HDAC5: variants seen among roughly 807,000 people sequenced by gnomAD.
HDAC5 encodes the protein antigen NY-CO-9.
Under a neutral mutation model 133.3 loss-of-function variants are expected in HDAC5, and 25 were observed. That is an observed-to-expected ratio of 0.19 (90% CI 0.14 to 0.26). The LOEUF is 0.26. Among genes scored for constraint, HDAC5 ranks in the 10% least tolerant of loss-of-function variants. The pLI is 1.00. For missense variants in HDAC5, 1,041 were observed against 1,460.5 expected (o/e 0.71, Z 4.68); for synonymous variants, 589 against 610.8 (o/e 0.96, Z 0.53).
At chr17:44,094,691 T>C (rs2051149547) in intron 3 of HDAC5, among the ~76,000 whole-genome samples, 1 of 152,216 alleles carries the variant, frequency 6.6e-6, no homozygotes, top group African/African-American at 2.4e-5. Context: ...AGATTGTGAC[T>C]ACTCGACGCA....
rs2050661882 is a variant in HDAC5 at position 44,086,613 on chromosome 17, T to C, written c.2009A>G (p.Lys670Arg). The C allele has an allele frequency of 2.3e-6, 3 of 1,303,798 alleles. No individual in the cohort carries two copies. In the South Asian group the frequency reaches 1.0e-4, roughly 44 times the overall value. The allele number at this position is 1,303,798 out of a possible 1,614,324, so 80.8% of individuals were successfully genotyped here. ...QSSPAAPGGM[K>R]SPPDQPVKHL... The stretch of plus-strand genomic sequence containing the variant: ...CTTGACGGGCTGGTCTGGGGGGCTC[T>C]TCATGCCCCCAGGGGCAGCAGGGGA... The change falls in exon 14 of 27, where the codon AAG becomes AGG. Residue 670 changes from lysine (K) to arginine (R), a missense_variant. Physicochemically the swap from Lys to Arg is conservative, Grantham distance 26 (BLOSUM62 2). Around this residue, in one of 9 missense-constraint regions of HDAC5, gnomAD observed 433 missense variants for 531.6 expected, o/e 0.81. Coordinates refer to ENST00000682912, the MANE Select transcript of HDAC5 (RefSeq NM_005474.5).
intron 3 of HDAC5, among the ~76,000 whole-genome samples, chr17:44,099,909 G>T (rs1271876812): frequency 6.6e-6 from 1 of 152,152 alleles, no homozygotes; most frequent in South Asian, 2.1e-4. Flanking sequence ...TTCCCATCCC[G>T]CTGGGTCTGC....
chr17:44,120,778 C>T (rs1320638262), intron 1 of HDAC5, among the ~76,000 whole-genome samples: 2 of 151,864 alleles, frequency 1.3e-5, no homozygotes, highest in African/African-American at 4.8e-5. Flanking sequence ...AGACATCCCA[C>T]CCAAAGGTCA....
intron 2 of HDAC5, chr17:44,111,349 G>C: frequency 6.0e-6 from 2 of 331,280 alleles, no homozygotes; most frequent in South Asian, 4.8e-5. Context: ...CCCCATGGGG[G>C]GGGAGGCGGT....
chr17:44,083,844 G>A lies in HDAC5; in HGVS notation c.2316C>T (p.Ser772=), dbSNP rs2050513534. 8 of 1,613,820 alleles carry A rather than the reference G, an allele frequency of 5.0e-6. No individual in the cohort carries two copies. In the East Asian group the frequency reaches 6.7e-5, roughly 13 times the overall value. ...AAGGCAGCACAGCATACATCTTCTG[G>A]CTGATGGGGCCTGCATGGAAGAGGA... is the stretch of plus-strand genomic sequence containing the variant. ...LDSKKLLGPI[S]QKMYAVLPCG... is the part of the protein sequence containing the mutation. The change falls in exon 17 of 27, where the codon AGC becomes AGT. Residue 772 remains serine, a synonymous_variant. Transcript: ENST00000682912.
At chr17:44,101,625 AG>A (rs1284611306) in intron 3 of HDAC5, among the ~76,000 whole-genome samples, 2 of 152,118 alleles carry the variant, frequency 1.3e-5, no homozygotes, top group African/African-American at 4.8e-5. Flanking sequence ...GGGACCTTGG[AG>A]GTCATCTGTT....
chr17:44,105,025 A>G (rs2051845980), intron 3 of HDAC5, among the ~76,000 whole-genome samples: 1 of 152,244 alleles, frequency 6.6e-6, no homozygotes, highest in Non-Finnish European at 1.5e-5. Flanking sequence ...GACTTGTCCA[A>G]GGTCACCTGG....
In HDAC5 at chr17:44,117,664, A is replaced by G; in HGVS notation, c.-149T>C. On this transcript the variant is annotated 5_prime_UTR_variant, in exon 2 of 27. It removes an upstream start codon present in the reference 5' UTR. Transcript: ENST00000682912. The surrounding 1 kb of genome is among the most constrained non-coding windows in gnomAD (Gnocchi z 4.2). ...GTGCCTCTAATGCCCATCCGAGGCC[A>G]TCCTTCGGGGCGAGGCAGTCAGGCA... 2 of 827,064 alleles carry G rather than the reference A, an allele frequency of 2.4e-6. No individual in the cohort carries two copies. The highest frequency in any genetic ancestry group is 5.1e-5 in the East Asian group (2 of 39,396). The allele number at this position is 827,064 out of a possible 1,614,324, so 51.2% of individuals were successfully genotyped here.
intron 11 of HDAC5, among the ~76,000 whole-genome samples, chr17:44,089,881 A>G (rs980313935): frequency 6.8e-6 from 1 of 147,724 alleles, no homozygotes; most frequent in African/African-American, 2.5e-5. Flanking sequence ...CAGTGAGCAG[A>G]GATCCTGCTT....
chr17:44,114,836 G>A (rs1043805385), intron 2 of HDAC5, among the ~76,000 whole-genome samples: 8 of 152,298 alleles, frequency 5.3e-5, no homozygotes, highest in African/African-American at 1.9e-4. Flanking sequence ...CCCTTTTGCC[G>A]GAAGAAAAGG....
rs2050313897 is a variant in HDAC5, at chr17:44,079,966, T to A, written c.2944+141A>T. On this transcript the variant is annotated intron_variant, in intron 23 of 26. Coordinates refer to ENST00000682912, the MANE Select transcript of HDAC5 (RefSeq NM_005474.5). ...GTTGGCAGAGGACAAGTTGGGGGAG[T>A]TACCAAGATGATTCCAAGTCTAGGC... 5 of 689,174 alleles carry A rather than the reference T, an allele frequency of 7.3e-6. No individual in the cohort carries two copies. In the South Asian group the frequency reaches 8.2e-5, roughly 11 times the overall value. The allele number at this position is 689,174 out of a possible 1,614,324, so 42.7% of individuals were successfully genotyped here.
chr17:44,106,113 G>A (rs1287378451), intron 3 of HDAC5, among the ~76,000 whole-genome samples: 1 of 152,172 alleles, frequency 6.6e-6, no homozygotes, highest in Non-Finnish European at 1.5e-5. Context: ...CTGTGTGCAT[G>A]GACACAGTTA....
Position 44,092,186 on chromosome 17 carries a change from TG to T in HDAC5, c.1017del (p.Asn340ThrfsTer35). ...CAGGCCTGTACCTCAGTGGGGATGT[TG>T]GGGACTGAGCCAGTAAAGCCATTCT... ...IAENGFTGSV[P>X]NIPTEMLPQH... On this transcript the variant is annotated frameshift_variant, in exon 9 of 27. Transcript: ENST00000682912. LOFTEE classifies it high-confidence loss of function. 6.2e-7 allele frequency: 1 copy of T among 1,613,874 alleles called. No individual in the cohort carries two copies. Among genetic ancestry groups the T allele is most frequent in the Non-Finnish European group, 8.5e-7 (1 of 1,179,856 alleles).
Position 44,078,580 on chromosome 17 carries a change from G to A in HDAC5, c.3249C>T (p.Ala1083=), listed in dbSNP as rs200677576. ...GCAAGGCCATGGCGCTCACAGTCTC[G>A]GCCTCCTCGGTCTCACCTGCTTGGG... The part of the protein sequence containing the change: ...REAQAGETEE[A]ETVSAMALLS... Residue 1083 remains alanine, a synonymous_variant, in exon 26 of 27, where the codon GCC becomes GCT. Coordinates refer to ENST00000682912, the MANE Select transcript of HDAC5 (RefSeq NM_005474.5). 2.2e-4 allele frequency: 358 copies of A among 1,610,212 alleles called. No homozygotes were observed. The highest frequency in any genetic ancestry group is 2.8e-4 in the Non-Finnish European group (334 of 1,179,958).
In HDAC5 at chr17:44,078,538, C is replaced by G. The variant is rs779313196; in HGVS notation, c.3291G>C (p.Glu1097Asp). Residue 1097 changes from glutamate (E) to aspartate (D), a missense_variant, in exon 26 of 27, where the codon GAG becomes GAC. Physicochemically the swap from Glu to Asp is conservative, Grantham distance 45 (BLOSUM62 2). Around this residue, in one of 9 missense-constraint regions of HDAC5, gnomAD observed 95 missense variants for 107.3 expected, o/e 0.88. Transcript: ENST00000682912. ...CCCGGGCTGCCGCAGCCTGGGCCTG[C>G]TCGGCCCCCACCGACAGCAAGGCCA... is the stretch of plus-strand genomic sequence containing the variant. ...SAMALLSVGA[E>D]QAQAAAAREH... 4.3e-6 allele frequency: 7 copies of G among 1,612,106 alleles called. No homozygotes were observed. In the South Asian group the frequency reaches 7.7e-5, roughly 18 times the overall value.
chr17:44,080,125 A>G lies in HDAC5; in HGVS notation c.2926T>C (p.Tyr976His). 1 of 1,611,744 alleles carries G rather than the reference A, an allele frequency of 6.2e-7. No individual in the cohort carries two copies. Among genetic ancestry groups the G allele is most frequent in the Middle Eastern group, 1.7e-4 (1 of 6,058 alleles). ...VEGHLSPLGG[Y>H]SVTARCFGHL... Reference sequence around the variant, plus strand: ...GGCTTACATCTGGCGGTGACAGAGTAGCCACCCAGAGGAGACAGATGTCCT... The same window carrying G: ...GGCTTACATCTGGCGGTGACAGAGTGGCCACCCAGAGGAGACAGATGTCCT... The change falls in exon 23 of 27, where the codon TAC becomes CAC. Residue 976 changes from tyrosine (Y) to histidine (H), a missense_variant. Physicochemically the swap from Tyr to His is moderately conservative, Grantham distance 83. Transcript: ENST00000682912.
intron 1 of HDAC5, among the ~76,000 whole-genome samples, chr17:44,118,867 G>C (rs1164932571): frequency 6.6e-6 from 1 of 152,198 alleles, no homozygotes; most frequent in Non-Finnish European, 1.5e-5. Context: ...CCTCCTGGCA[G>C]GATTAATTCT....
intron 2 of HDAC5, among the ~76,000 whole-genome samples, chr17:44,112,516 T>C (rs1233654803): frequency 2.6e-5 from 4 of 152,024 alleles, no homozygotes; most frequent in Non-Finnish European, 5.9e-5. Context: ...AGCCCCCTCC[T>C]TGACCCCCAC....
chr17:44,085,025 G>A lies in HDAC5; in HGVS notation c.2181C>T (p.Cys727=), dbSNP rs776704940. 3.7e-5 allele frequency: 58 copies of A among 1,581,974 alleles called. No individual in the cohort carries two copies. Among genetic ancestry groups the A allele is most frequent in the East Asian group, 4.5e-5 (2 of 43,986 alleles). ...GAAGAAGGAGGGGCTCCCTTACCTCGCACTTGCTAAGCAGGCCTGTCTCCT... is the reference window on the plus strand; with the variant it reads ...GAAGAAGGAGGGGCTCCCTTACCTCACACTTGCTAAGCAGGCCTGTCTCCT... ...RLQETGLLSK[C]ERIRGRKATL... Residue 727 remains cysteine, a synonymous_variant, in exon 15 of 27, where the codon TGC becomes TGT. Coordinates refer to ENST00000682912, the MANE Select transcript of HDAC5 (RefSeq NM_005474.5).
Sources: gnomAD v4.1 joint callset for allele counts (sites outside exome capture counted in the v4.1 genomes callset) on GRCh38, gnomAD v4.1.1 for gene constraint, gnomAD v4.1.1 regional missense constraint, Gnocchi (gnomAD v3.1) non-coding constraint, MANE v1.5 for transcripts, NCBI Gene and HGNC (gene_info 2026-07-23, HGNC 2026-07-21) for gene names.